Variants in GFRA1 observed in about 807,000 individuals in gnomAD.
GFRA1 encodes GDNF family receptor alpha-1.
GFRA1 carries 16 observed loss-of-function variants against 51.6 expected under a neutral mutation model. The ratio of observed to expected loss-of-function variants is 0.31; its 90% CI spans 0.21 to 0.47. The LOEUF (loss-of-function observed/expected upper bound fraction) is 0.47. Ranked by LOEUF, GFRA1 falls within the 20% of genes least tolerant of loss-of-function variation. The pLI, the probability that GFRA1 is intolerant of heterozygous loss-of-function variation, is 1.00. For synonymous variants in GFRA1, 270 were observed against 241.3 expected (o/e 1.12, Z -1.10); for missense variants, 530 against 594.3 (o/e 0.89, Z 1.13).
At chr10:116,190,262 A>G (rs1053680170) in intron 5 of GFRA1, among the ~76,000 whole-genome samples, 1 of 152,244 alleles carries the variant, frequency 6.6e-6, no homozygotes. Context: ...GGCACAGAGC[A>G]GGTGTACTCA....
chr10:116,096,369 A>T (rs996252740), intron 7 of GFRA1, among the ~76,000 whole-genome samples: 2 of 152,112 alleles, frequency 1.3e-5, no homozygotes, highest in Admixed American at 6.5e-5. Context: ...CTGCGTGGTC[A>T]GTTTCCCAAC....
At chr10:116,237,648 A>G (rs11197600) in intron 4 of GFRA1, among the ~76,000 whole-genome samples, 3,545 of 151,554 alleles carry the variant, frequency 0.023, 129 homozygotes, top group African/African-American at 0.081. Flanking sequence ...TCTTCTCTAG[A>G]TAGCTACATC....
chr10:116,167,448 A>G (rs934588623), intron 5 of GFRA1, among the ~76,000 whole-genome samples: 1 of 152,092 alleles, frequency 6.6e-6, no homozygotes, highest in African/African-American at 2.4e-5. Context: ...GCCAGATCCT[A>G]AGCTTACGGA....
rs185731673 is a variant in GFRA1 at position 116,071,116 on chromosome 10, C to A, written c.1198-5490G>T. Among the ~76,000 whole-genome samples the A allele has an allele frequency of 1.6e-3, 242 of 152,298 alleles. 1 individual carries two copies. Among genetic ancestry groups the A allele is most frequent in the South Asian group, 0.01 (50 of 4,826 alleles). ...CTTAATTTTGCCAAGCCCCACGGAC[C>A]CTGGCCCAGGCCAGGAAGAAAACCA... is the stretch of plus-strand genomic sequence containing the variant. On this transcript the variant is annotated intron_variant, in intron 9 of 10. Transcript: ENST00000355422.
chr10:116,108,484 C>A (rs1957084105), intron 6 of GFRA1, among the ~76,000 whole-genome samples: 1 of 152,190 alleles, frequency 6.6e-6, no homozygotes, highest in Admixed American at 6.5e-5. Context: ...AGCACCTCAG[C>A]CCCAACCCCA....
intron 5 of GFRA1, among the ~76,000 whole-genome samples, chr10:116,206,384 T>TA (rs2134416625): frequency 6.6e-6 from 1 of 152,016 alleles, no homozygotes; most frequent in East Asian, 1.9e-4. Flanking sequence ...AAGTTTGAAA[T>TA]ACGCAAAAGA....
intron 5 of GFRA1, among the ~76,000 whole-genome samples, chr10:116,182,209 C>T (rs1962299536): frequency 6.6e-6 from 1 of 151,638 alleles, no homozygotes; most frequent in Non-Finnish European, 1.5e-5. Flanking sequence ...GTCCCTTGTA[C>T]AGTGCAATGA....
At chr10:116,233,406 A>G (rs1966807478) in intron 4 of GFRA1, among the ~76,000 whole-genome samples, 1 of 152,188 alleles carries the variant, frequency 6.6e-6, no homozygotes, top group African/African-American at 2.4e-5. Context: ...TTAAAATATA[A>G]GGATTCCCTG....
intron 5 of GFRA1, among the ~76,000 whole-genome samples, chr10:116,194,181 T>C (rs1274410799): frequency 1.3e-5 from 2 of 152,146 alleles, no homozygotes; most frequent in Non-Finnish European, 2.9e-5. Flanking sequence ...CAGAAAGTAG[T>C]TTCTAAATAT....
At chr10:116,132,758 C>T (rs1255536040) in intron 5 of GFRA1, among the ~76,000 whole-genome samples, 1 of 152,162 alleles carries the variant, frequency 6.6e-6, no homozygotes, top group Non-Finnish European at 1.5e-5. Context: ...ATGGATCCCC[C>T]AGTGCACGAA....
At chr10:116,211,433 GGAA>G (rs2134443738) in intron 5 of GFRA1, among the ~76,000 whole-genome samples, 195 bp downstream of exon 5, 1 of 152,290 alleles carries the variant, frequency 6.6e-6, no homozygotes, top group Admixed American at 6.5e-5. Flanking sequence ...ATGGTTCAGA[GGAA>G]GAAGCAGAGG....
In GFRA1 at chr10:116,061,855, A is replaced by G; in HGVS notation, c.*2543T>C. ...ATGGTGTTTTAGGGTCACCGTGTCA[A>G]ACTAAGATCACACTGAATGGCGGAA... On this transcript the variant is annotated 3_prime_UTR_variant, in exon 11 of 11. Transcript: ENST00000355422. 2.5e-6 allele frequency: 1 copy of G among 397,288 alleles called. No homozygotes were observed. Among genetic ancestry groups the G allele is most frequent in the Non-Finnish European group, 4.4e-6 (1 of 225,654 alleles). 24.6% of individuals were successfully genotyped at this position (397,288 alleles called of 1,614,324 possible). A position where few individuals can be genotyped will look rare whatever the true frequency, so the allele number is the denominator to read the frequency against.
chr10:116,095,390 A>ACTT (rs1956528654), intron 7 of GFRA1, among the ~76,000 whole-genome samples: 1 of 152,320 alleles, frequency 6.6e-6, no homozygotes, highest in Non-Finnish European at 1.5e-5. Flanking sequence ...TTTTTAAAAC[A>ACTT]CTTTTTACAA....
Position 116,119,339 on chromosome 10 carries a change from G to A in GFRA1, c.770+5882C>T, listed in dbSNP as rs183449328. 5.3e-5 allele frequency among the ~76,000 whole-genome samples: 8 copies of A among 152,224 alleles called. No individual in the cohort carries two copies. In the East Asian group the frequency reaches 1.5e-3, roughly 29 times the overall value. On this transcript the variant is annotated intron_variant, in intron 6 of 10. Coordinates refer to ENST00000355422, the MANE Select transcript of GFRA1 (RefSeq NM_005264.8). ...AGGGTAGCAGGCAGCTCGTGCAGGT[G>A]GGGCATATTAAAAACGAGCCATTCA...
chr10:116,187,435 T>C (rs1223070417), intron 5 of GFRA1, among the ~76,000 whole-genome samples: 1 of 152,132 alleles, frequency 6.6e-6, no homozygotes, highest in African/African-American at 2.4e-5. Context: ...AAACTAACAG[T>C]CTAAGACATC....
Position 116,252,546 on chromosome 10 carries a change from T to C in GFRA1, c.418+16957A>G, listed in dbSNP as rs1038334034. On this transcript the variant is annotated intron_variant, in intron 4 of 10. Coordinates refer to ENST00000355422, the MANE Select transcript of GFRA1 (RefSeq NM_005264.8). ...TACAGGCAAACCAGGCTATCAATGGTCATGCATCTCAGGGTGGCATGTGCA... is the reference window on the plus strand; with the variant it reads ...TACAGGCAAACCAGGCTATCAATGGCCATGCATCTCAGGGTGGCATGTGCA... 3.4e-4 allele frequency among the ~76,000 whole-genome samples: 52 copies of C among 152,198 alleles called. 1 individual carries two copies. The highest frequency in any genetic ancestry group is 1.2e-3 in the African/African-American group (50 of 41,542).
chr10:116,083,390 A>T (rs1344480738), intron 9 of GFRA1, among the ~76,000 whole-genome samples: 1 of 152,198 alleles, frequency 6.6e-6, no homozygotes, highest in Non-Finnish European at 1.5e-5. Flanking sequence ...CTGGCTCTCA[A>T]GCGCCTCTTC....
intron 5 of GFRA1, among the ~76,000 whole-genome samples, chr10:116,201,986 C>T (rs1217394044): frequency 1.3e-5 from 2 of 152,150 alleles, no homozygotes; most frequent in African/African-American, 2.4e-5. Flanking sequence ...CTATCAAATA[C>T]GAACATACGA....
chr10:116,269,812 C>T (rs1361173513), intron 3 of GFRA1, among the ~76,000 whole-genome samples: 1 of 152,124 alleles, frequency 6.6e-6, no homozygotes, highest in East Asian at 1.9e-4. Context: ...TGGAGAACAA[C>T]CCAGCCCTAT....
Sources: gnomAD v4.1 joint callset for allele counts (sites outside exome capture counted in the v4.1 genomes callset) on GRCh38, gnomAD v4.1.1 for gene constraint, MANE v1.5 for transcripts, NCBI Gene and HGNC (gene_info 2026-07-23, HGNC 2026-07-21) for gene names.